Variants in GMDS observed in about 807,000 individuals in gnomAD.
GMDS encodes the protein GDP-mannose 4,6-dehydratase.
In GMDS, 20 loss-of-function variants were observed where a neutral mutation model predicts 49.9. The ratio of observed to expected loss-of-function variants is 0.40; its 90% CI spans 0.28 to 0.58. The LOEUF is 0.58. Ranked by LOEUF, GMDS falls within the 20% of genes least tolerant of loss-of-function variation. The pLI is 0.42. For missense variants in GMDS, 362 were observed against 481.4 expected (o/e 0.75, Z 2.32); for synonymous variants, 177 against 178.6 (o/e 0.99, Z 0.07).
chr6:1,713,127 C>G (rs1446225840), intron 9 of GMDS, among the ~76,000 whole-genome samples: 1 of 152,242 alleles, frequency 6.6e-6, no homozygotes, highest in African/African-American at 2.4e-5. Context: ...TGGCCACTCT[C>G]AAGGACAAGC....
At chr6:1,943,533 C>T (rs1762916161) in intron 6 of GMDS, among the ~76,000 whole-genome samples, 1 of 152,174 alleles carries the variant, frequency 6.6e-6, no homozygotes, top group African/African-American at 2.4e-5. Context: ...GGCTATTCCA[C>T]AGTTTAAACA....
chr6:2,144,185 GGTC>G (rs1776440646), intron 1 of GMDS, among the ~76,000 whole-genome samples: 1 of 152,190 alleles, frequency 6.6e-6, no homozygotes, highest in Non-Finnish European at 1.5e-5. Flanking sequence ...GGTCAGGTCA[GGTC>G]ACCAGCTAGA....
intron 4 of GMDS, among the ~76,000 whole-genome samples, chr6:2,105,074 C>T (rs568919270): frequency 7.4e-4 from 110 of 148,612 alleles, no homozygotes; most frequent in African/African-American, 2.5e-3. Flanking sequence ...CCCAGCGACT[C>T]GGGAGGCTGA....
intron 9 of GMDS, among the ~76,000 whole-genome samples, chr6:1,687,342 A>G (rs1386699285): frequency 1.3e-5 from 2 of 152,232 alleles, no homozygotes; most frequent in African/African-American, 2.4e-5. Flanking sequence ...GAAGTGGCGC[A>G]GGCCTCCAAC....
intron 4 of GMDS, among the ~76,000 whole-genome samples, chr6:2,072,927 C>T (rs933094494): frequency 2.6e-5 from 4 of 152,142 alleles, no homozygotes; most frequent in Admixed American, 6.5e-5. Flanking sequence ...AGTGTGTGAC[C>T]TTTCTCTGTC....
At chr6:2,161,485 G>C (rs1159150735) in intron 1 of GMDS, among the ~76,000 whole-genome samples, 1 of 152,152 alleles carries the variant, frequency 6.6e-6, no homozygotes, top group African/African-American at 2.4e-5. Flanking sequence ...ACAAGATTTA[G>C]GAATTATCAG....
intron 7 of GMDS, among the ~76,000 whole-genome samples, chr6:1,889,611 A>G (rs1759779588): frequency 6.6e-6 from 1 of 152,152 alleles, no homozygotes; most frequent in Non-Finnish European, 1.5e-5. Flanking sequence ...TTGGTTTCTT[A>G]AGATTTTTAC....
chr6:1,833,069 A>T lies in GMDS; in HGVS notation c.772-90483T>A, dbSNP rs1051136899. Among the ~76,000 whole-genome samples, 15 of 151,176 alleles carry T rather than the reference A, an allele frequency of 9.9e-5. No homozygotes were observed. Among genetic ancestry groups the T allele is most frequent in the African/African-American group, 3.4e-4 (14 of 41,014 alleles). ...TGATCACTCACACAAAGGACGGAAAATTGCTGGCGCCGCTGGACCTGTGCC... is the reference window on the plus strand; with the variant it reads ...TGATCACTCACACAAAGGACGGAAATTTGCTGGCGCCGCTGGACCTGTGCC... On this transcript the variant is annotated intron_variant, in intron 7 of 10. Coordinates refer to ENST00000380815, the MANE Select transcript of GMDS (RefSeq NM_001500.4). This position sits in a 1 kb window ranked among gnomAD's most constrained non-coding sequence, Gnocchi z 4.4.
chr6:1,896,278 C>T (rs1390645318), intron 7 of GMDS, among the ~76,000 whole-genome samples: 2 of 152,174 alleles, frequency 1.3e-5, no homozygotes, highest in Admixed American at 6.5e-5. Context: ...ACATTGGAAA[C>T]GTTCCCTGGG....
chr6:1,943,222 A>T (rs1762903304), intron 6 of GMDS, among the ~76,000 whole-genome samples: 1 of 152,116 alleles, frequency 6.6e-6, no homozygotes, highest in Non-Finnish European at 1.5e-5. Context: ...TCTGAGAAAC[A>T]TCTGTATCCA....
At chr6:1,738,072 C>A (rs555970341) in intron 8 of GMDS, among the ~76,000 whole-genome samples, 64 of 135,350 alleles carry the variant, frequency 4.7e-4, no homozygotes, top group South Asian at 1.7e-3. Context: ...TACACACATA[C>A]CACACACACA....
intron 9 of GMDS, among the ~76,000 whole-genome samples, chr6:1,702,607 G>T (rs1185166406): frequency 6.6e-6 from 1 of 152,238 alleles, no homozygotes; most frequent in Non-Finnish European, 1.5e-5. Flanking sequence ...TTGTCCCTCT[G>T]TGGGTCCCCC....
At chr6:1,681,147 T>C (rs544431738) in intron 9 of GMDS, among the ~76,000 whole-genome samples, 2 of 151,694 alleles carry the variant, frequency 1.3e-5, no homozygotes, top group Admixed American at 6.6e-5. Context: ...CACACACCTA[T>C]ATACACACAC....
intron 2 of GMDS, among the ~76,000 whole-genome samples, chr6:2,119,540 G>A (rs576903641): frequency 6.6e-6 from 1 of 152,300 alleles, no homozygotes; most frequent in Admixed American, 6.5e-5. Context: ...TCTGAGACAG[G>A]TGAAATACAA....
chr6:1,687,103 C>G (rs1422095785), intron 9 of GMDS, among the ~76,000 whole-genome samples: 2 of 152,160 alleles, frequency 1.3e-5, no homozygotes, highest in Non-Finnish European at 2.9e-5. Flanking sequence ...TTTTCCAGGA[C>G]AAGAGGCGCC....
intron 1 of GMDS, among the ~76,000 whole-genome samples, chr6:2,208,053 T>G (rs1435993686): frequency 6.6e-6 from 1 of 151,914 alleles, no homozygotes; most frequent in African/African-American, 2.4e-5. Context: ...TATAAGGTCA[T>G]GAAAACATAA....
At chr6:2,225,001 C>T (rs1011582759) in intron 1 of GMDS, among the ~76,000 whole-genome samples, 3 of 152,044 alleles carry the variant, frequency 2.0e-5, no homozygotes, top group Non-Finnish European at 2.9e-5. Flanking sequence ...TACGTCCACA[C>T]GATGTCAGAC....
intron 6 of GMDS, 114 bp from the exon 7 acceptor site, chr6:1,930,344 C>A: frequency 2.8e-6 from 2 of 712,414 alleles, no homozygotes; most frequent in East Asian, 2.6e-5. Context: ...ACACTCCCAG[C>A]CACCCTGTTA....
intron 7 of GMDS, among the ~76,000 whole-genome samples, chr6:1,805,047 G>A (rs534073911): frequency 6.6e-6 from 1 of 152,334 alleles, no homozygotes; most frequent in Admixed American, 6.5e-5. Flanking sequence ...ATAACAGAGT[G>A]TGAACTTTCC....
Sources: gnomAD v4.1 joint callset for allele counts (sites outside exome capture counted in the v4.1 genomes callset) on GRCh38, gnomAD v4.1.1 for gene constraint, Gnocchi (gnomAD v3.1) non-coding constraint, MANE v1.5 for transcripts, NCBI Gene and HGNC (gene_info 2026-07-23, HGNC 2026-07-21) for gene names.